Variants in NEO1 observed in about 807,000 individuals in gnomAD.
NEO1 encodes neogenin.
Under a neutral mutation model 159.7 loss-of-function variants are expected in NEO1, and 63 were observed. The observed-to-expected ratio is 0.39, with a 90% confidence interval of 0.32 to 0.49. The LOEUF (loss-of-function observed/expected upper bound fraction) is 0.49, where lower values mean the gene tolerates loss of function less well. NEO1 is among the 20% of genes least tolerant of loss of function. The probability of loss-of-function intolerance (pLI) is 0.85; values close to 1 mark genes in which losing one functional copy is unlikely to be tolerated. For synonymous variants in NEO1, 633 were observed against 662.0 expected (o/e 0.96, Z 0.67); for missense variants, 1,615 against 1,831.0 (o/e 0.88, Z 2.15).
At chr15:73,116,067 G>A (rs1026603026) in intron 1 of NEO1, among the ~76,000 whole-genome samples, 2 of 151,944 alleles carry the variant, frequency 1.3e-5, no homozygotes, top group Non-Finnish European at 2.9e-5. Context: ...TAAGTCAGTC[G>A]GATGAATAAA....
chr15:73,082,291 T>C (rs2069107499), intron 1 of NEO1, among the ~76,000 whole-genome samples: 1 of 152,208 alleles, frequency 6.6e-6, no homozygotes, highest in Admixed American at 6.5e-5. Flanking sequence ...TTTTTTTCAC[T>C]GAGAAAATGT....
At chr15:73,281,297 C>A (rs899850976) in intron 22 of NEO1, among the ~76,000 whole-genome samples, 1 of 151,362 alleles carries the variant, frequency 6.6e-6, no homozygotes, top group African/African-American at 2.4e-5. Context: ...GCTCTGTCGC[C>A]CAGGCTGGAG....
At chr15:73,095,355 A>G (rs1223740717) in intron 1 of NEO1, among the ~76,000 whole-genome samples, 1 of 152,198 alleles carries the variant, frequency 6.6e-6, no homozygotes, top group South Asian at 2.1e-4. Context: ...TGCGACAGCA[A>G]CTGTGTGTAG....
chr15:73,258,891 T>C lies in NEO1; in HGVS notation c.2203+15T>C. On this transcript the variant is annotated intron_variant, in intron 14 of 28. Coordinates refer to ENST00000261908, the MANE Select transcript of NEO1 (RefSeq NM_002499.4). Reference sequence around the variant, plus strand: ...TGACCTAGATGGTAAGAATAACAATTGGCAAGACTGGAACACAATAGATAC... The same window carrying C: ...TGACCTAGATGGTAAGAATAACAATCGGCAAGACTGGAACACAATAGATAC... 2 of 1,600,930 alleles carry C rather than the reference T, an allele frequency of 1.2e-6. No individual in the cohort carries two copies. Among genetic ancestry groups the C allele is most frequent in the Non-Finnish European group, 1.7e-6 (2 of 1,168,296 alleles).
At chr15:73,273,683 C>G in intron 19 of NEO1, 128 bp from the exon 20 acceptor site, 1 of 701,402 alleles carries the variant, frequency 1.4e-6, no homozygotes, top group Non-Finnish European at 2.3e-6. Flanking sequence ...AATTGTAGAC[C>G]CTTGAGGGTA....
chr15:73,175,864 T>C (rs2035253947), intron 5 of NEO1, among the ~76,000 whole-genome samples: 1 of 152,224 alleles, frequency 6.6e-6, no homozygotes, highest in South Asian at 2.1e-4. Flanking sequence ...AATGTACTTA[T>C]CCTTTCCCCG....
At chr15:73,280,624 T>C (rs1401567146) in intron 22 of NEO1, among the ~76,000 whole-genome samples, 1 of 152,160 alleles carries the variant, frequency 6.6e-6, no homozygotes. Flanking sequence ...AACAGTATGG[T>C]CCATTTTAGT....
At chr15:73,265,135 G>A (rs570838673) in intron 15 of NEO1, among the ~76,000 whole-genome samples, 1 of 152,240 alleles carries the variant, frequency 6.6e-6, no homozygotes, top group Admixed American at 6.5e-5. Flanking sequence ...ATAAGTGGCC[G>A]GTAATGATGG....
At chr15:73,066,242 G>GTCTCAA (rs11282462) in intron 1 of NEO1, among the ~76,000 whole-genome samples, 2 of 149,732 alleles carry the variant, frequency 1.3e-5, no homozygotes, top group African/African-American at 4.9e-5. Context: ...AGCCAGGATG[G>GTCTCAA]TCTCCTGACC....
chr15:73,131,306 A>G (rs889207427), intron 4 of NEO1, among the ~76,000 whole-genome samples: 2 of 152,270 alleles, frequency 1.3e-5, no homozygotes, highest in African/African-American at 4.8e-5. Context: ...GTGAGCAATT[A>G]TAAACACATT....
chr15:73,223,541 C>T (rs907601002), intron 7 of NEO1, among the ~76,000 whole-genome samples: 4 of 152,184 alleles, frequency 2.6e-5, no homozygotes, highest in Non-Finnish European at 5.9e-5. Context: ...TAATGTCCCT[C>T]TTTGTCTCTT....
intron 1 of NEO1, among the ~76,000 whole-genome samples, chr15:73,084,781 T>G (rs10468056): frequency 0.7 from 105,331 of 151,500 alleles, 37,295 homozygotes; most frequent in African/African-American, 0.84. Flanking sequence ...CTTTTTCTTT[T>G]TGTGTGTGTG....
At chr15:73,146,493 C>T (rs2032910397) in intron 5 of NEO1, among the ~76,000 whole-genome samples, 1 of 152,002 alleles carries the variant, frequency 6.6e-6, no homozygotes, top group African/African-American at 2.4e-5. Context: ...CTTTATAATC[C>T]TTTATTGGGG....
intron 4 of NEO1, among the ~76,000 whole-genome samples, chr15:73,133,001 T>C (rs2031320274): frequency 6.6e-6 from 1 of 152,200 alleles, no homozygotes; most frequent in African/African-American, 2.4e-5. Context: ...AAAGTAGATC[T>C]ATCATTCGAT....
intron 7 of NEO1, among the ~76,000 whole-genome samples, chr15:73,233,124 T>G (rs1340379360): frequency 6.6e-6 from 1 of 152,182 alleles, no homozygotes; most frequent in Non-Finnish European, 1.5e-5. Flanking sequence ...TAGTGTAACT[T>G]AACTGCCTGT....
intron 5 of NEO1, among the ~76,000 whole-genome samples, chr15:73,159,684 A>G (rs938599189): frequency 6.6e-6 from 1 of 152,158 alleles, no homozygotes; most frequent in African/African-American, 2.4e-5. Context: ...TGTGGTTAAA[A>G]TAGCTTACTA....
chr15:73,096,351 TG>T (rs2070033243), intron 1 of NEO1, among the ~76,000 whole-genome samples: 1 of 152,110 alleles, frequency 6.6e-6, no homozygotes, highest in Admixed American at 6.5e-5. Flanking sequence ...TTTAGACAAG[TG>T]GGCTCAAGAT....
At chr15:73,286,428 A>G (rs1224573457) in intron 23 of NEO1, among the ~76,000 whole-genome samples, 1 of 151,964 alleles carries the variant, frequency 6.6e-6, no homozygotes, top group Non-Finnish European at 1.5e-5. Flanking sequence ...CCTCCTGTCT[A>G]CCTAGCCATC....
chr15:73,223,842 GGTTTTTT>G (rs1160045352), intron 7 of NEO1, among the ~76,000 whole-genome samples: 2 of 152,186 alleles, frequency 1.3e-5, no homozygotes, highest in Admixed American at 1.3e-4. Flanking sequence ...AGTGTACCTT[GGTTTTTT>G]GTTTTTTGTT....
Sources: gnomAD v4.1 joint callset for allele counts (sites outside exome capture counted in the v4.1 genomes callset) on GRCh38, gnomAD v4.1.1 for gene constraint, MANE v1.5 for transcripts, NCBI Gene and HGNC (gene_info 2026-07-23, HGNC 2026-07-21) for gene names.